ALDH1L1: variants seen among roughly 807,000 people sequenced by gnomAD.
ALDH1L1 encodes the protein aldehyde dehydrogenase 1 family member L1, also known as cytosolic 10-formyltetrahydrofolate dehydrogenase.
In ALDH1L1, 68 loss-of-function variants were observed where a neutral mutation model predicts 101.1. The ratio of observed to expected loss-of-function variants is 0.67; its 90% CI spans 0.55 to 0.82. The LOEUF (loss-of-function observed/expected upper bound fraction) is 0.82, where lower values mean the gene tolerates loss of function less well. ALDH1L1 is among the 40% of genes least tolerant of loss of function. The probability of loss-of-function intolerance (pLI) is 0.00; values close to 1 mark genes in which losing one functional copy is unlikely to be tolerated. For missense variants in ALDH1L1, 1,087 were observed against 1,172.7 expected (o/e 0.93, Z 1.07); for synonymous variants, 486 against 470.8 (o/e 1.03, Z -0.42).
intron 1 of ALDH1L1, among the ~76,000 whole-genome samples, chr3:126,191,234 C>A (rs1429790938): frequency 6.6e-6 from 1 of 152,176 alleles, no homozygotes; most frequent in Non-Finnish European, 1.5e-5. Flanking sequence ...CTGAATTTGA[C>A]TGGAATTTAA....
At chr3:126,157,320 C>T (rs749354004) in intron 4 of ALDH1L1, 23 bp downstream of exon 4, 20 of 1,598,072 alleles carry the variant, frequency 1.3e-5, no homozygotes, top group African/African-American at 9.4e-5. Context: ...GCGGGCAGGG[C>T]GCGGCCGGCT....
chr3:126,112,613 A>C (rs1946113471), intron 19 of ALDH1L1, among the ~76,000 whole-genome samples, 169 bp downstream of exon 19: 1 of 152,124 alleles, frequency 6.6e-6, no homozygotes, highest in East Asian at 1.9e-4. Flanking sequence ...AATCCAGTGA[A>C]GACTCAGCAC....
At chr3:126,123,815 AAAAG>A (rs1311174462) in intron 16 of ALDH1L1, among the ~76,000 whole-genome samples, 1 of 152,126 alleles carries the variant, frequency 6.6e-6, no homozygotes, top group African/African-American at 2.4e-5. Flanking sequence ...AATCAACTTA[AAAAG>A]AGAGAGAAAA....
intron 9 of ALDH1L1, 142 bp downstream of exon 9, chr3:126,146,693 C>A: frequency 1.3e-6 from 1 of 797,650 alleles, no homozygotes; most frequent in South Asian, 1.8e-5. Flanking sequence ...TGCACGCAGA[C>A]CTGCACACTG....
intron 9 of ALDH1L1, among the ~76,000 whole-genome samples, chr3:126,140,039 A>G (rs1362004436): frequency 6.6e-6 from 1 of 152,208 alleles, no homozygotes; most frequent in Non-Finnish European, 1.5e-5. Flanking sequence ...AAAGAAATGA[A>G]TATACACATC....
chr3:126,164,001 C>T (rs1016401622), intron 1 of ALDH1L1, among the ~76,000 whole-genome samples: 8 of 152,018 alleles, frequency 5.3e-5, no homozygotes, highest in South Asian at 2.1e-4. Context: ...CATGGTAGTA[C>T]GTGCCTGTAG....
intron 14 of ALDH1L1, among the ~76,000 whole-genome samples, chr3:126,126,385 G>T (rs2080184312): frequency 1.3e-5 from 2 of 152,174 alleles, no homozygotes; most frequent in Non-Finnish European, 2.9e-5. Context: ...GCACCACTTT[G>T]GTTGAGCGCT....
intron 16 of ALDH1L1, among the ~76,000 whole-genome samples, chr3:126,123,061 A>G (rs1204483411): frequency 1.3e-5 from 2 of 152,222 alleles, no homozygotes; most frequent in Admixed American, 6.5e-5. Flanking sequence ...CACATTTTAG[A>G]TTCAAAAGTA....
At chr3:126,175,406 T>G (rs2081351281) in intron 1 of ALDH1L1, among the ~76,000 whole-genome samples, 1 of 152,012 alleles carries the variant, frequency 6.6e-6, no homozygotes, top group East Asian at 1.9e-4. Flanking sequence ...CCAGAAACAT[T>G]ACAAGAAAGG....
chr3:126,172,700 A>G (rs2081300599), intron 1 of ALDH1L1, among the ~76,000 whole-genome samples: 1 of 137,690 alleles, frequency 7.3e-6, no homozygotes, highest in African/African-American at 3.2e-5. Context: ...AAAATTAAAG[A>G]CAGATACCAA....
intron 1 of ALDH1L1, among the ~76,000 whole-genome samples, chr3:126,177,042 A>G (rs550204306): frequency 3.3e-5 from 5 of 152,250 alleles, no homozygotes; most frequent in African/African-American, 1.2e-4. Context: ...AGTTAAATTA[A>G]GAGCACTGAC....
chr3:126,180,612 A>G (rs912556684), upstream of ALDH1L1: 2 of 1,244,462 alleles, frequency 1.6e-6, no homozygotes, highest in Non-Finnish European at 2.0e-6. Flanking sequence ...AGCTCTGGTT[A>G]AGGCCAGAGC....
intron 9 of ALDH1L1, 76 bp from the exon 10 acceptor site, chr3:126,138,036 G>A: frequency 1.3e-6 from 2 of 1,569,436 alleles, no homozygotes; most frequent in East Asian, 2.2e-5. Context: ...AGTGGCAGTG[G>A]GGCCAAACAC....
At chr3:126,181,121 C>T (rs2081469457), upstream of ALDH1L1, 1 of 933,356 alleles carries the variant, frequency 1.1e-6, no homozygotes, top group African/African-American at 1.6e-5. Flanking sequence ...AAAAACAGCC[C>T]CTGGTTTTCT....
chr3:126,154,458 T>C (rs898750339), intron 6 of ALDH1L1, 96 bp downstream of exon 6: 1 of 1,290,148 alleles, frequency 7.8e-7, no homozygotes, highest in East Asian at 2.3e-5. Context: ...GCAGTAGCTA[T>C]TTATTATACC....
chr3:126,148,920 TTTTATC>T (rs2108275846), intron 8 of ALDH1L1, among the ~76,000 whole-genome samples: 1 of 152,272 alleles, frequency 6.6e-6, no homozygotes, highest in Non-Finnish European at 1.5e-5. Context: ...ACCTGCACCT[TTTTATC>T]TTTGAGTCTT....
chr3:126,187,352 G>A (rs1362746984), intron 1 of ALDH1L1, among the ~76,000 whole-genome samples: 1 of 152,134 alleles, frequency 6.6e-6, no homozygotes, highest in African/African-American at 2.4e-5. Flanking sequence ...GAGGATGGAT[G>A]GGTGGGTAGC....
intron 1 of ALDH1L1, among the ~76,000 whole-genome samples, chr3:126,167,877 G>A (rs1270341780): frequency 1.3e-5 from 2 of 151,918 alleles, no homozygotes; most frequent in Non-Finnish European, 2.9e-5. Flanking sequence ...GAGCTACTTC[G>A]CCCAAATTAC....
At chr3:126,135,477 T>G (rs1333330301) in intron 12 of ALDH1L1, 58 bp downstream of exon 12, 1 of 1,568,736 alleles carries the variant, frequency 6.4e-7, no homozygotes, top group Non-Finnish European at 8.6e-7. Context: ...GTCCCCCCCG[T>G]GCCACTGCCC....
Sources: allele counts gnomAD v4.1 joint callset (sites outside exome capture counted in the v4.1 genomes callset), GRCh38; gene constraint gnomAD v4.1.1; transcripts MANE v1.5; gene names NCBI Gene and HGNC (gene_info 2026-07-23, HGNC 2026-07-21).